KYNU: variants seen among roughly 807,000 people sequenced by gnomAD.
The protein encoded by KYNU is L-kynurenine hydrolase.
A neutral mutation model predicts 59.2 loss-of-function variants in KYNU; 54 were observed. The observed-to-expected ratio is 0.91, with a 90% CI of 0.73 to 1.14. The LOEUF (loss-of-function observed/expected upper bound fraction) is 1.14, where lower values mean the gene tolerates loss of function less well. KYNU is among the 50% of genes most tolerant of loss of function. The probability of loss-of-function intolerance (pLI) is 0.00; values close to 1 mark genes in which losing one functional copy is unlikely to be tolerated. For missense variants in KYNU, 567 were observed against 554.4 expected, an observed-to-expected ratio of 1.02 and a Z score of -0.23; for synonymous variants, 177 against 192.0, an observed-to-expected ratio of 0.92 and a Z score of 0.65.
At chr2:142,921,255 C>T (rs1558922590) in intron 3 of KYNU, among the ~76,000 whole-genome samples, 2 of 152,292 alleles carry the variant, frequency 1.3e-5, no homozygotes, top group South Asian at 4.1e-4. Flanking sequence ...TCCTTCCTAG[C>T]TGGAAGCTCC....
At position 142,919,792 on chromosome 2, in the gene KYNU, C is replaced by T. The variant is rs541095453; in HGVS notation, c.290+1063C>T. ...CTACTAAAAAAATACAAAAATTAGG[C>T]CGGGAATGGTGGCTCACGCCTGTAA... On this transcript the variant is annotated intron_variant, in intron 3 of 13. Coordinates refer to ENST00000264170, the MANE Select transcript of KYNU (RefSeq NM_003937.3). Among the ~76,000 whole-genome samples the T allele has an allele frequency of 6.0e-4, 92 of 152,212 alleles. 1 individual carries two copies. The highest frequency in any genetic ancestry group is 2.2e-3 in the African/African-American group (90 of 41,522).
At chr2:143,029,500 C>T (rs41269813) in intron 10 of KYNU, 127 bp from the exon 11 acceptor site, 44,373 of 688,924 alleles carry the variant, frequency 0.064, 1,891 homozygotes, top group African/African-American at 0.16. Flanking sequence ...GCACAAGAAT[C>T]GCTTGAACCC....
At chr2:143,028,942 G>A (rs992283162) in intron 10 of KYNU, among the ~76,000 whole-genome samples, 3 of 152,032 alleles carry the variant, frequency 2.0e-5, no homozygotes, top group South Asian at 4.2e-4. Flanking sequence ...CAATTGTATG[G>A]GCTTTTTGGG....
chr2:142,884,971 G>A (rs1421661838), intron 1 of KYNU, among the ~76,000 whole-genome samples: 2 of 147,104 alleles, frequency 1.4e-5, no homozygotes, highest in Non-Finnish European at 3.0e-5. Flanking sequence ...AAGCGTGGTG[G>A]CTCATGCCTG....
intron 4 of KYNU, among the ~76,000 whole-genome samples, chr2:142,938,251 C>A (rs958750664): frequency 6.6e-6 from 1 of 152,122 alleles, no homozygotes; most frequent in Non-Finnish European, 1.5e-5. Flanking sequence ...AAAACAGTAT[C>A]CTCCCATAAT....
In KYNU at chr2:143,016,429, A is replaced by C. The variant is rs566745174; in HGVS notation, c.903-13198A>C. On this transcript the variant is annotated intron_variant, in intron 10 of 13. Coordinates refer to ENST00000264170, the MANE Select transcript of KYNU (RefSeq NM_003937.3). ...CAGGTTGAGAATTTTCTCAGTGGAC[A>C]TGAATTTTTTTAAATCATTACCAGA... Among the ~76,000 whole-genome samples, 5 of 152,348 alleles carry C rather than the reference A, an allele frequency of 3.3e-5. No individual in the cohort carries two copies. In the East Asian group the frequency reaches 9.6e-4, roughly 29 times the overall value.
intron 4 of KYNU, among the ~76,000 whole-genome samples, chr2:142,948,638 A>C (rs1453625642): frequency 6.6e-6 from 1 of 152,170 alleles, no homozygotes; most frequent in African/African-American, 2.4e-5. Flanking sequence ...CTTATTTACT[A>C]TCAGGAGGAC....
At chr2:143,020,202 G>T (rs576293203) in intron 10 of KYNU, among the ~76,000 whole-genome samples, 1 of 151,852 alleles carries the variant, frequency 6.6e-6, no homozygotes, top group Admixed American at 6.6e-5. Context: ...GTTCCTTGAG[G>T]TGCATCATTA....
At chr2:142,946,094 T>C (rs1683770380) in intron 4 of KYNU, among the ~76,000 whole-genome samples, 1 of 151,346 alleles carries the variant, frequency 6.6e-6, no homozygotes, top group Admixed American at 6.7e-5. Context: ...TTTTTATTTT[T>C]TATTTTTGAG....
intron 8 of KYNU, among the ~76,000 whole-genome samples, chr2:142,972,075 C>CT (rs2105126717): frequency 6.6e-6 from 1 of 152,278 alleles, no homozygotes; most frequent in Non-Finnish European, 1.5e-5. Flanking sequence ...CAGAGAAAGA[C>CT]TGTAGAAGAG....
At position 143,048,690 on chromosome 2, in the gene KYNU, T is replaced by G. The variant is rs1264516713; in HGVS notation, c.*6518T>G. On this transcript the variant is annotated 3_prime_UTR_variant, in exon 14 of 14. Coordinates refer to ENST00000264170, the MANE Select transcript of KYNU (RefSeq NM_003937.3). ...TTCATATAGAATTCTATGTCGACAG[T>G]AATTTTCTTTCAGGAAGTAGAAAAT... 6.6e-6 allele frequency: 1 copy of G among 152,230 alleles called. No individual in the cohort carries two copies. The highest frequency in any genetic ancestry group is 2.4e-5 in the African/African-American group (1 of 41,470). The allele number at this position is 152,230 out of a possible 1,614,324, so 9.4% of individuals were successfully genotyped here.
At chr2:143,001,047 T>A (rs1043185412) in intron 10 of KYNU, among the ~76,000 whole-genome samples, 1 of 152,244 alleles carries the variant, frequency 6.6e-6, no homozygotes, top group African/African-American at 2.4e-5. Context: ...CCTTAAGTAC[T>A]GACTATGAAA....
rs2304705 is a variant in KYNU, at chr2:142,957,696, G to C, written c.563G>C (p.Arg188Pro). 17 of 1,600,668 alleles carry C rather than the reference G, an allele frequency of 1.1e-5. No homozygotes were observed. The highest frequency in any genetic ancestry group is 1.5e-5 in the Non-Finnish European group (17 of 1,168,276). ...GGACTTAACATTGAAGAAAGTATGCGGATGATAAAGCCAAGAGAGGTATAT... is the reference window on the plus strand; with the variant it reads ...GGACTTAACATTGAAGAAAGTATGCCGATGATAAAGCCAAGAGAGGTATAT... ...LHGLNIEESM[R>P]MIKPREGEET... Residue 188 changes from arginine (R) to proline (P), a missense_variant, in exon 7 of 14, where the codon CGG becomes CCG. Arg to Pro is a moderately radical substitution (Grantham distance 103). Coordinates refer to ENST00000264170, the MANE Select transcript of KYNU (RefSeq NM_003937.3).
rs1023661092 is a variant in KYNU at position 143,029,671 on chromosome 2, T to C, written c.947T>C (p.Met316Thr). 1 of 1,544,664 alleles carries C rather than the reference T, an allele frequency of 6.5e-7. No individual in the cohort carries two copies. Among genetic ancestry groups the C allele is most frequent in the African/African-American group, 1.4e-5 (1 of 73,548 alleles). ...CATGAACTCAGCACCAGATTTAAGA[T>C]GGATAACAGTAAGTGTATTTATTTT... The part of the protein sequence containing the change: ...FGHELSTRFK[M>T]DNKLQLIPGV... The change falls in exon 11 of 14, where the codon ATG (methionine) becomes ACG (threonine). Residue 316 changes from methionine (M) to threonine (T), a missense_variant. Coordinates refer to ENST00000264170, the MANE Select transcript of KYNU (RefSeq NM_003937.3).
At chr2:142,960,971 G>T (rs1314745105) in intron 8 of KYNU, among the ~76,000 whole-genome samples, 1 of 151,878 alleles carries the variant, frequency 6.6e-6, no homozygotes, top group African/African-American at 2.4e-5. Flanking sequence ...GGAGCAGGGG[G>T]ATCACGAGGT....
chr2:143,031,460 C>T (rs537953018), intron 11 of KYNU, among the ~76,000 whole-genome samples: 13 of 152,186 alleles, frequency 8.5e-5, no homozygotes, highest in South Asian at 2.1e-4. Flanking sequence ...CACGAAGACT[C>T]ACGCCTGTAA....
intron 13 of KYNU, among the ~76,000 whole-genome samples, chr2:143,041,250 T>G (rs1027541108): frequency 3.3e-5 from 5 of 151,468 alleles, no homozygotes; most frequent in African/African-American, 1.2e-4. Context: ...AAAGATAATG[T>G]ATCTACTTCC....
At chr2:142,962,052 TATAAAG>T in intron 8 of KYNU, among the ~76,000 whole-genome samples, 1 of 152,316 alleles carries the variant, frequency 6.6e-6, no homozygotes, top group Middle Eastern at 3.4e-3. Context: ...TTACAAAAGA[TATAAAG>T]ATAATGTCTT....
At chr2:142,911,150 G>T (rs566600165) in intron 2 of KYNU, among the ~76,000 whole-genome samples, 2 of 152,242 alleles carry the variant, frequency 1.3e-5, no homozygotes, top group East Asian at 3.9e-4. Context: ...AAATTGCTTT[G>T]AGCAATATGG....
Sources: allele counts gnomAD v4.1 joint callset (sites outside exome capture counted in the v4.1 genomes callset), GRCh38; gene constraint gnomAD v4.1.1; transcripts MANE v1.5; gene names NCBI Gene and HGNC (gene_info 2026-07-23, HGNC 2026-07-21).